GNA14: variants seen among roughly 807,000 people sequenced by gnomAD.
The protein encoded by GNA14 is G protein subunit alpha 14.
A neutral mutation model predicts 42.0 loss-of-function variants in GNA14; 50 were observed. The observed-to-expected ratio is 1.19, with a 90% CI of 0.95 to 1.51. The LOEUF is 1.51. GNA14 is among the 40% of genes most tolerant of loss of function. The pLI is 0.00. For synonymous variants in GNA14, 173 were observed against 163.1 expected (o/e 1.06, Z -0.46); for missense variants, 473 against 446.2 (o/e 1.06, Z -0.54).
chr9:77,619,089 T>C (rs1271600756), intron 1 of GNA14, among the ~76,000 whole-genome samples: 4 of 152,122 alleles, frequency 2.6e-5, no homozygotes, highest in African/African-American at 9.7e-5. Flanking sequence ...AGCCCTGGTT[T>C]GGAGAGATTA....
intron 2 of GNA14, among the ~76,000 whole-genome samples, chr9:77,436,273 C>G (rs1343178076): frequency 6.6e-6 from 1 of 152,058 alleles, no homozygotes; most frequent in East Asian, 1.9e-4. Context: ...GAATCAGGAC[C>G]CTGAGTTCTA....
chr9:77,471,778 G>A (rs1273168254), intron 2 of GNA14, among the ~76,000 whole-genome samples: 7 of 152,156 alleles, frequency 4.6e-5, no homozygotes, highest in African/African-American at 1.4e-4. Flanking sequence ...CACAGTCTAT[G>A]CATAATACCA....
intron 1 of GNA14, among the ~76,000 whole-genome samples, chr9:77,555,431 G>A (rs1471983652): frequency 2.6e-5 from 4 of 152,124 alleles, no homozygotes; most frequent in Non-Finnish European, 5.9e-5. Flanking sequence ...TTGAGCCTGG[G>A]AGGCCTAAGT....
intron 2 of GNA14, among the ~76,000 whole-genome samples, chr9:77,436,516 G>A (rs1255648022): frequency 6.6e-6 from 1 of 152,214 alleles, no homozygotes; most frequent in Non-Finnish European, 1.5e-5. Context: ...CTGGCATGCT[G>A]CATGTCACGG....
At chr9:77,616,817 C>T (rs1460511775) in intron 1 of GNA14, among the ~76,000 whole-genome samples, 3 of 152,134 alleles carry the variant, frequency 2.0e-5, no homozygotes, top group Non-Finnish European at 2.9e-5. Context: ...GGGCAAAGTC[C>T]CTTCTCCAAA....
Position 77,492,293 on chromosome 9 carries a change from G to T in GNA14, c.309+36776C>A, listed in dbSNP as rs138333144. 1.6e-3 allele frequency among the ~76,000 whole-genome samples: 248 copies of T among 151,014 alleles called. 2 individuals carry two copies. The highest frequency in any genetic ancestry group is 5.3e-3 in the African/African-American group (219 of 41,230). ...AAATTAGTAGAAAGAAAGAAATAAT[G>T]GAGATCAGAATATAAATAAATAAAT... On this transcript the variant is annotated intron_variant, in intron 2 of 6. Transcript: ENST00000341700.
At chr9:77,545,631 C>A (rs760891958) in intron 1 of GNA14, among the ~76,000 whole-genome samples, 1 of 152,134 alleles carries the variant, frequency 6.6e-6, no homozygotes, top group Admixed American at 6.5e-5. Flanking sequence ...TTAAAACAGG[C>A]CTTACCATTT....
intron 1 of GNA14, among the ~76,000 whole-genome samples, chr9:77,548,934 T>TC (rs1377195464): frequency 2.0e-5 from 3 of 151,434 alleles, no homozygotes; most frequent in Non-Finnish European, 2.9e-5. Flanking sequence ...AGAAAGCCTT[T>TC]CTTTTTTTTT....
At chr9:77,436,253 G>C (rs370389974) in intron 2 of GNA14, among the ~76,000 whole-genome samples, 126 of 152,238 alleles carry the variant, frequency 8.3e-4, no homozygotes, top group African/African-American at 2.9e-3. Context: ...TGGAAAGTGC[G>C]CTGGCCTGGG....
chr9:77,570,852 T>G (rs1339898875), intron 1 of GNA14, among the ~76,000 whole-genome samples: 1 of 152,210 alleles, frequency 6.6e-6, no homozygotes, highest in Non-Finnish European at 1.5e-5. Flanking sequence ...ACATTCCCAC[T>G]GGAAATATCT....
chr9:77,523,638 C>T (rs1464716653), intron 2 of GNA14, among the ~76,000 whole-genome samples: 8 of 152,100 alleles, frequency 5.3e-5, no homozygotes, highest in Non-Finnish European at 1.0e-4. Flanking sequence ...TCATGATTGC[C>T]CTTACAATTA....
At chr9:77,457,806 A>G (rs1836029488) in intron 2 of GNA14, among the ~76,000 whole-genome samples, 1 of 152,250 alleles carries the variant, frequency 6.6e-6, no homozygotes. Context: ...TCAACACCAA[A>G]GCTTACAGAT....
chr9:77,590,876 T>C (rs1334470420), intron 1 of GNA14, among the ~76,000 whole-genome samples: 2 of 152,142 alleles, frequency 1.3e-5, no homozygotes, highest in African/African-American at 2.4e-5. Flanking sequence ...TAGGTAAGGA[T>C]GACATGTCAC....
chr9:77,454,993 G>T (rs539852064), intron 2 of GNA14, among the ~76,000 whole-genome samples: 1 of 152,320 alleles, frequency 6.6e-6, no homozygotes, highest in South Asian at 2.1e-4. Context: ...AAACTCAGCA[G>T]CTTGAAACAA....
intron 2 of GNA14, among the ~76,000 whole-genome samples, chr9:77,472,503 T>G (rs1261893273): frequency 6.6e-6 from 1 of 152,210 alleles, no homozygotes; most frequent in Non-Finnish European, 1.5e-5. Context: ...CTGCAGAATT[T>G]GTGGTCCAGC....
At chr9:77,502,056 GTCTC>G (rs1018638431) in intron 2 of GNA14, among the ~76,000 whole-genome samples, 23 of 152,062 alleles carry the variant, frequency 1.5e-4, no homozygotes, top group African/African-American at 5.6e-4. Context: ...TTCTTTCTCT[GTCTC>G]TCTATGTTCT....
At chr9:77,510,702 A>G (rs1018377100) in intron 2 of GNA14, among the ~76,000 whole-genome samples, 2 of 152,104 alleles carry the variant, frequency 1.3e-5, no homozygotes. Context: ...TCCACCCCCG[A>G]CCCAAGATGC....
chr9:77,472,537 A>G (rs1018463523), intron 2 of GNA14, among the ~76,000 whole-genome samples: 3 of 152,188 alleles, frequency 2.0e-5, no homozygotes, highest in Non-Finnish European at 2.9e-5. Flanking sequence ...TAAGAAATAC[A>G]TTTTTGAAAT....
chr9:77,557,918 G>A (rs1402026782), intron 1 of GNA14, among the ~76,000 whole-genome samples: 1 of 152,072 alleles, frequency 6.6e-6, no homozygotes, highest in African/African-American at 2.4e-5. Context: ...CCTTCATTTT[G>A]CCAACAAGTT....
Sources: gnomAD v4.1 joint callset for allele counts (sites outside exome capture counted in the v4.1 genomes callset) on GRCh38, gnomAD v4.1.1 for gene constraint, MANE v1.5 for transcripts, NCBI Gene and HGNC (gene_info 2026-07-23, HGNC 2026-07-21) for gene names.